The following RNF128 variants were observed in gnomAD, a reference collection of about 807,000 sequenced individuals.
RNF128 encodes the protein ring finger protein 128.
A neutral mutation model predicts 26.2 loss-of-function variants in RNF128; 13 were observed. The ratio of observed to expected loss-of-function variants is 0.50; its 90% CI spans 0.32 to 0.79. The LOEUF (loss-of-function observed/expected upper bound fraction) is 0.79. Ranked by LOEUF, RNF128 falls within the 30% of genes least tolerant of loss-of-function variation. The pLI, the probability that RNF128 is intolerant of heterozygous loss-of-function variation, is 0.03. For missense variants in RNF128, 315 were observed against 349.7 expected (o/e 0.90, Z 0.79); for synonymous variants, 149 against 142.5 (o/e 1.05, Z -0.32).
intron 1 of RNF128, among the ~76,000 whole-genome samples, chrX:106,763,475 T>C (rs190879221): frequency 2.7e-5 from 3 of 112,255 alleles, no homozygotes; most frequent in East Asian, 5.6e-4. Context: ...TGCTTAGAAA[T>C]AGGTCTTTTA....
chrX:106,703,284 T>C (rs943984089), intron 1 of RNF128, among the ~76,000 whole-genome samples: 5 of 112,198 alleles, frequency 4.5e-5, no homozygotes, highest in African/African-American at 1.6e-4. Flanking sequence ...AGTATCTGTT[T>C]TTCCTTCCCC....
At chrX:106,698,640 C>T (rs1411940389) in intron 1 of RNF128, among the ~76,000 whole-genome samples, 2 of 111,507 alleles carry the variant, frequency 1.8e-5, no homozygotes, top group African/African-American at 6.5e-5. Context: ...CAAGACACCA[C>T]TCACTCTATC....
chrX:106,754,150 A>G (rs1929950768), intron 1 of RNF128, among the ~76,000 whole-genome samples: 1 of 112,131 alleles, frequency 8.9e-6, no homozygotes, highest in South Asian at 3.7e-4. Flanking sequence ...AGAAGACACA[A>G]TTGTCTCTTT....
chrX:106,749,613 C>G (rs766498753), intron 1 of RNF128, among the ~76,000 whole-genome samples: 1 of 112,098 alleles, frequency 8.9e-6, no homozygotes, highest in South Asian at 3.7e-4. Context: ...AGTTTTTAAA[C>G]ATAAGTATGA....
At chrX:106,783,084 C>A (rs950336387) in intron 2 of RNF128, among the ~76,000 whole-genome samples, 1 of 111,829 alleles carries the variant, frequency 8.9e-6, no homozygotes, top group African/African-American at 3.2e-5. Flanking sequence ...TTTTTAGGGT[C>A]TAGGCCTTCC....
intron 1 of RNF128, among the ~76,000 whole-genome samples, chrX:106,708,663 G>A (rs1399610014): frequency 8.9e-6 from 1 of 111,884 alleles, no homozygotes; most frequent in African/African-American, 3.2e-5. Context: ...ATTCAATAAA[G>A]CAGATCCAGC....
At chrX:106,709,641 G>A (rs991266775) in intron 1 of RNF128, among the ~76,000 whole-genome samples, 3 of 110,767 alleles carry the variant, frequency 2.7e-5, no homozygotes, top group Non-Finnish European at 5.7e-5. Context: ...CTGCCTCCCG[G>A]GTTCAAGAAA....
At chrX:106,752,108 CCCACCCTGGGCCAGAAGGGACACCA>C (rs1460330000) in intron 1 of RNF128, among the ~76,000 whole-genome samples, 2 of 111,412 alleles carry the variant, frequency 1.8e-5, no homozygotes, top group East Asian at 5.7e-4. Context: ...CATTTCTAGA[CCCACCCTGGGCCAGAAGGGACACCA>C]CCACCCTGAA....
chrX:106,705,655 T>C lies in RNF128; in HGVS notation c.406+11247T>C, dbSNP rs1298469393. ...GTCAGCATGGACCGAATAACCATTT[T>C]TCAGAAATAATTTTTCAACTGATTT... On this transcript the variant is annotated intron_variant, in intron 1 of 6. Transcript: ENST00000324342. Among the ~76,000 whole-genome samples the C allele has an allele frequency of 2.7e-5, 3 of 112,052 alleles. No individual in the cohort carries two copies. The Admixed American group carries it at 2.8e-4, about 11-fold the overall frequency.
intron 1 of RNF128, among the ~76,000 whole-genome samples, chrX:106,748,715 A>C (rs1929827930): frequency 1.8e-5 from 2 of 111,667 alleles, no homozygotes; most frequent in Non-Finnish European, 3.8e-5. Flanking sequence ...GAGCTAAAAA[A>C]GTGAATCTCA....
chrX:106,766,852 T>G (rs762728051), intron 1 of RNF128, among the ~76,000 whole-genome samples: 17 of 112,131 alleles, frequency 1.5e-4, no homozygotes, highest in African/African-American at 4.5e-4. Context: ...GTTTTAGGTC[T>G]AATATTTAGG....
At chrX:106,722,821 C>T (rs1929336069), upstream of RNF128, among the ~76,000 whole-genome samples, 1 of 111,542 alleles carries the variant, frequency 9.0e-6, no homozygotes, top group Non-Finnish European at 1.9e-5. Context: ...GGCATATTTA[C>T]ATGAGGAGCT....
chrX:106,743,851 C>G (rs1290538415), intron 1 of RNF128, among the ~76,000 whole-genome samples: 2 of 111,419 alleles, frequency 1.8e-5, no homozygotes, highest in African/African-American at 6.6e-5. Context: ...TTGGAACCAA[C>G]CCAAATGTCC....
At chrX:106,772,738 C>T (rs1428567602) in intron 1 of RNF128, among the ~76,000 whole-genome samples, 175 bp from the exon 2 acceptor site, 3 of 110,916 alleles carry the variant, frequency 2.7e-5, no homozygotes, top group African/African-American at 6.6e-5. Flanking sequence ...AAATCTCATG[C>T]GTGTTTATAT....
intron 1 of RNF128, among the ~76,000 whole-genome samples, chrX:106,758,837 A>G (rs1251007603): frequency 1.8e-5 from 2 of 111,596 alleles, no homozygotes; most frequent in Non-Finnish European, 3.8e-5. Flanking sequence ...TACTAAAAGA[A>G]AACACTGGGG....
chrX:106,755,945 GACAA>G lies in RNF128; in HGVS notation c.485-16964_485-16961del, dbSNP rs1373364468. On this transcript the variant is annotated intron_variant, in intron 1 of 6. Coordinates refer to ENST00000255499, the MANE Select transcript of RNF128 (RefSeq NM_194463.2). ...AAGCATTCTTAATACACCAACAACA[GACAA>G]ACAGAGAGCCAAATCATGAGTGAAC... Among the ~76,000 whole-genome samples, 7 of 110,739 alleles carry G rather than the reference GACAA, an allele frequency of 6.3e-5. No individual in the cohort carries two copies. The South Asian group carries it at 1.9e-3, about 31-fold the overall frequency.
chrX:106,756,357 C>A (rs1426562969), intron 1 of RNF128, among the ~76,000 whole-genome samples: 1 of 109,667 alleles, frequency 9.1e-6, no homozygotes, highest in Non-Finnish European at 1.9e-5. Flanking sequence ...CTACAGTAAC[C>A]AAAACAGCAT....
chrX:106,768,921 G>T (rs936605884), intron 1 of RNF128, among the ~76,000 whole-genome samples: 1 of 111,892 alleles, frequency 8.9e-6, no homozygotes, highest in African/African-American at 3.3e-5. Flanking sequence ...TTGTGTCTTT[G>T]TTCTCATTGG....
chrX:106,754,402 T>C (rs1443545276), intron 1 of RNF128, among the ~76,000 whole-genome samples: 1 of 96,331 alleles, frequency 1.0e-5, no homozygotes, highest in African/African-American at 4.0e-5. Flanking sequence ...TGGCAATGTT[T>C]TCTTTCTCTT....
Sources: gnomAD v4.1 joint callset for allele counts (sites outside exome capture counted in the v4.1 genomes callset) on GRCh38, gnomAD v4.1.1 for gene constraint, MANE v1.5 for transcripts, NCBI Gene and HGNC (gene_info 2026-07-23, HGNC 2026-07-21) for gene names.